CAB39: variants seen among roughly 807,000 people sequenced by gnomAD.
The protein encoded by CAB39 is calcium binding protein 39.
Under a neutral mutation model 40.0 loss-of-function variants are expected in CAB39, and 8 were observed. That is an observed-to-expected ratio of 0.20 (90% CI 0.12 to 0.36). CAB39 has a LOEUF of 0.36. CAB39 is among the 10% of genes least tolerant of loss of function. The pLI is 1.00. For synonymous variants in CAB39, 156 were observed against 141.6 expected (o/e 1.10, Z -0.72); for missense variants, 270 against 401.1 (o/e 0.67, Z 2.79).
At chr2:230,805,377 T>A (rs1222774459) in intron 5 of CAB39, among the ~76,000 whole-genome samples, 1 of 151,808 alleles carries the variant, frequency 6.6e-6, no homozygotes, top group Non-Finnish European at 1.5e-5. Flanking sequence ...TGTGTACATG[T>A]ACCCTAGAAC....
At chr2:230,733,549 A>T (rs1452072304) in intron 1 of CAB39, among the ~76,000 whole-genome samples, 2 of 152,154 alleles carry the variant, frequency 1.3e-5, no homozygotes, top group Admixed American at 6.5e-5. Flanking sequence ...GAGATTCTAA[A>T]TGTAAACACT....
chr2:230,715,145 CTTA>C (rs954429489), intron 1 of CAB39, among the ~76,000 whole-genome samples: 5 of 152,134 alleles, frequency 3.3e-5, no homozygotes, highest in Admixed American at 2.6e-4. Context: ...ACACACATCT[CTTA>C]TTAAGCTTTT....
Position 230,778,761 on chromosome 2 carries a change from T to G in CAB39, c.115-12111T>G, listed in dbSNP as rs368488270. On this transcript the variant is annotated intron_variant, in intron 2 of 8. Coordinates refer to ENST00000258418, the MANE Select transcript of CAB39 (RefSeq NM_016289.4). ...GGATACATTCCAAAAAATGCATCATTAGGCGATTTCTTCCAGCCTGTTGCT... is the reference window on the plus strand; with the variant it reads ...GGATACATTCCAAAAAATGCATCATGAGGCGATTTCTTCCAGCCTGTTGCT... Among the ~76,000 whole-genome samples the G allele has an allele frequency of 3.3e-5, 5 of 152,208 alleles. No homozygotes were observed. The East Asian group carries it at 9.6e-4, about 29-fold the overall frequency.
intron 5 of CAB39, among the ~76,000 whole-genome samples, chr2:230,800,991 T>G (rs1575956141): frequency 6.6e-6 from 1 of 152,036 alleles, no homozygotes. Flanking sequence ...GCCAGGCAGG[T>G]CACCCCTACT....
intron 5 of CAB39, among the ~76,000 whole-genome samples, chr2:230,807,291 ATC>A (rs777834032): frequency 8.6e-5 from 13 of 150,972 alleles, no homozygotes; most frequent in Admixed American, 2.0e-4. Context: ...GTTCCTTCTC[ATC>A]TCTCAGTAGA....
At chr2:230,745,962 G>A (rs1183784887) in intron 1 of CAB39, among the ~76,000 whole-genome samples, 1 of 152,052 alleles carries the variant, frequency 6.6e-6, no homozygotes, top group South Asian at 2.1e-4. Context: ...TTTAAGGATG[G>A]GGCATTCAGG....
intron 2 of CAB39, among the ~76,000 whole-genome samples, chr2:230,776,566 TG>T (rs1446553338): frequency 2.0e-5 from 3 of 152,230 alleles, no homozygotes; most frequent in Admixed American, 1.3e-4. Flanking sequence ...ACTTTTGAGA[TG>T]GGCTTTCTTC....
At chr2:230,766,611 C>A (rs1419598742) in intron 2 of CAB39, among the ~76,000 whole-genome samples, 1 of 152,248 alleles carries the variant, frequency 6.6e-6, no homozygotes, top group Non-Finnish European at 1.5e-5. Context: ...TCATCGCTTG[C>A]TGCAGCTTCC....
At chr2:230,731,543 C>T (rs962206517) in intron 1 of CAB39, among the ~76,000 whole-genome samples, 2 of 152,150 alleles carry the variant, frequency 1.3e-5, no homozygotes, top group African/African-American at 4.8e-5. Context: ...TCACTGTCAC[C>T]GAGGCTGTGA....
chr2:230,808,605 C>A (rs1169230494), intron 5 of CAB39, among the ~76,000 whole-genome samples: 2 of 150,178 alleles, frequency 1.3e-5, no homozygotes, highest in African/African-American at 2.5e-5. Context: ...TGTAGCACTT[C>A]TTGCCAAACT....
intron 2 of CAB39, chr2:230,779,235 C>CTGAG (rs1379826510): frequency 6.6e-6 from 1 of 152,242 alleles, no homozygotes; most frequent in Non-Finnish European, 1.5e-5. Flanking sequence ...AACTCAGAGC[C>CTGAG]TTGATCTGAG....
chr2:230,725,226 G>T (rs893692994), intron 1 of CAB39: 1 of 1,594,274 alleles, frequency 6.3e-7, no homozygotes, highest in African/African-American at 1.3e-5. Flanking sequence ...AGCCATTCCC[G>T]GTAGAGGTCT....
chr2:230,738,276 T>C (rs547294950), intron 1 of CAB39, among the ~76,000 whole-genome samples: 2 of 152,366 alleles, frequency 1.3e-5, no homozygotes, highest in East Asian at 1.9e-4. Flanking sequence ...GTACCACTTA[T>C]CATTCATGCC....
intron 1 of CAB39, among the ~76,000 whole-genome samples, chr2:230,728,199 C>A (rs980468656): frequency 1.2e-4 from 19 of 152,074 alleles, no homozygotes; most frequent in Admixed American, 2.0e-4. Context: ...AATCACACCA[C>A]TGCACTCCAG....
chr2:230,786,797 G>A (rs530873182), intron 2 of CAB39, among the ~76,000 whole-genome samples: 78 of 152,312 alleles, frequency 5.1e-4, no homozygotes, highest in African/African-American at 1.8e-3. Context: ...GAAGAATAGA[G>A]ATAGTAAAAT....
intron 4 of CAB39, among the ~76,000 whole-genome samples, chr2:230,798,023 G>A (rs958333400): frequency 6.6e-6 from 1 of 152,166 alleles, no homozygotes; most frequent in Non-Finnish European, 1.5e-5. Context: ...CATCTGAAGG[G>A]GAAATGCCTC....
At chr2:230,757,313 C>G (rs1429343485) in intron 1 of CAB39, among the ~76,000 whole-genome samples, 5 of 152,072 alleles carry the variant, frequency 3.3e-5, no homozygotes, top group Non-Finnish European at 7.4e-5. Flanking sequence ...CGAGGCTGGT[C>G]TCAAACTCCT....
At chr2:230,743,657 TAGA>T (rs1292472591) in intron 1 of CAB39, among the ~76,000 whole-genome samples, 2 of 152,208 alleles carry the variant, frequency 1.3e-5, no homozygotes, top group Non-Finnish European at 2.9e-5. Context: ...CAGTCATAAC[TAGA>T]AGAAACTCAT....
chr2:230,734,779 C>T (rs1694756639), intron 1 of CAB39, among the ~76,000 whole-genome samples: 1 of 142,290 alleles, frequency 7.0e-6, no homozygotes, highest in Non-Finnish European at 1.5e-5. Flanking sequence ...AGAGCTGGCC[C>T]ACAGGATCCC....
Sources: allele counts gnomAD v4.1 joint callset (sites outside exome capture counted in the v4.1 genomes callset), GRCh38; gene constraint gnomAD v4.1.1; transcripts MANE v1.5; gene names NCBI Gene and HGNC (gene_info 2026-07-23, HGNC 2026-07-21).